The following DOCK1 variants were observed in gnomAD, a reference collection of about 807,000 sequenced individuals.
The protein encoded by DOCK1 is dedicator of cytokinesis 1.
A neutral mutation model predicts 262.7 loss-of-function variants in DOCK1; 138 were observed. The ratio of observed to expected loss-of-function variants is 0.53; its 90% CI spans 0.46 to 0.61. The LOEUF (loss-of-function observed/expected upper bound fraction) is 0.61. DOCK1 is among the 20% of genes least tolerant of loss of function. DOCK1 has a pLI of 0.00. For missense variants in DOCK1, 1,908 were observed against 2,370.7 expected (o/e 0.80, Z 4.05); for synonymous variants, 866 against 867.4 (o/e 1.00, Z 0.03).
At chr10:126,982,182 C>T (rs1172889228) in intron 4 of DOCK1, among the ~76,000 whole-genome samples, 1 of 152,140 alleles carries the variant, frequency 6.6e-6, no homozygotes, top group Non-Finnish European at 1.5e-5. Flanking sequence ...GAAGTCAGCA[C>T]CATACTTGGC....
chr10:127,014,490 T>C (rs2041712050), intron 12 of DOCK1, among the ~76,000 whole-genome samples: 1 of 152,248 alleles, frequency 6.6e-6, no homozygotes, highest in African/African-American at 2.4e-5. Context: ...CCGGCGTTTC[T>C]GAGAAAGGTG....
chr10:127,075,299 A>G (rs1425732376), intron 23 of DOCK1, among the ~76,000 whole-genome samples: 2 of 150,894 alleles, frequency 1.3e-5, no homozygotes, highest in African/African-American at 4.9e-5. Context: ...ACTGAGACCG[A>G]GTCTCACTGT....
At chr10:126,998,880 A>G (rs542737800) in intron 8 of DOCK1, among the ~76,000 whole-genome samples, 113 of 152,344 alleles carry the variant, frequency 7.4e-4, no homozygotes, top group African/African-American at 2.7e-3. Context: ...CTTCACTTGT[A>G]TTATTCAAAA....
chr10:127,044,270 A>G (rs1165920712), intron 21 of DOCK1, among the ~76,000 whole-genome samples: 1 of 152,068 alleles, frequency 6.6e-6, no homozygotes, highest in Non-Finnish European at 1.5e-5. Flanking sequence ...AGCTGTTAAT[A>G]TACCCTGGTC....
chr10:127,117,306 G>T (rs537750457), intron 25 of DOCK1, among the ~76,000 whole-genome samples: 1 of 152,342 alleles, frequency 6.6e-6, no homozygotes, highest in East Asian at 1.9e-4. Context: ...AGTTCAGCCA[G>T]AAGCCTGGCA....
At chr10:127,077,117 G>A (rs946007995) in intron 23 of DOCK1, among the ~76,000 whole-genome samples, 7 of 152,108 alleles carry the variant, frequency 4.6e-5, no homozygotes, top group African/African-American at 7.2e-5. Context: ...TACGAGGGCC[G>A]AGCGCGGTGG....
chr10:127,255,256 C>G (rs998879289), intron 28 of DOCK1, among the ~76,000 whole-genome samples: 2 of 152,016 alleles, frequency 1.3e-5, no homozygotes. Flanking sequence ...AAAAACTAGC[C>G]AGGCATGGTG....
chr10:126,952,399 G>A (rs1015834341), intron 1 of DOCK1, among the ~76,000 whole-genome samples: 4 of 150,826 alleles, frequency 2.7e-5, no homozygotes, highest in South Asian at 2.1e-4. Flanking sequence ...GTGATGTGGC[G>A]GTAGTATTGT....
At chr10:127,326,087 T>C (rs1197218222) in intron 29 of DOCK1, among the ~76,000 whole-genome samples, 2 of 152,238 alleles carry the variant, frequency 1.3e-5, no homozygotes, top group African/African-American at 4.8e-5. Flanking sequence ...TCAGCAAATC[T>C]AAATCTTTCT....
intron 27 of DOCK1, among the ~76,000 whole-genome samples, chr10:127,189,349 C>A (rs1174653658): frequency 6.6e-6 from 1 of 152,176 alleles, no homozygotes. Context: ...CAGTAGTTGA[C>A]CTGCCCAGTG....
At chr10:127,221,116 T>A (rs2134438483) in intron 27 of DOCK1, among the ~76,000 whole-genome samples, 1 of 152,370 alleles carries the variant, frequency 6.6e-6, no homozygotes. Flanking sequence ...TATGGTATTT[T>A]ATTTTTCAAT....
intron 1 of DOCK1, among the ~76,000 whole-genome samples, chr10:126,944,054 G>A (rs1301639799): frequency 6.6e-6 from 1 of 151,616 alleles, no homozygotes; most frequent in African/African-American, 2.4e-5. Flanking sequence ...AGAACGGGAA[G>A]GAGAGGAGAC....
chr10:127,246,601 A>G (rs983799519), intron 27 of DOCK1, among the ~76,000 whole-genome samples: 2 of 152,240 alleles, frequency 1.3e-5, no homozygotes, highest in African/African-American at 4.8e-5. Context: ...AGCAATTATC[A>G]TCATTCACAA....
At chr10:127,346,460 G>T (rs2063637562) in intron 31 of DOCK1, among the ~76,000 whole-genome samples, 1 of 152,166 alleles carries the variant, frequency 6.6e-6, no homozygotes, top group African/African-American at 2.4e-5. Flanking sequence ...GCCAGGTGTG[G>T]TGGCGCGCAC....
intron 24 of DOCK1, among the ~76,000 whole-genome samples, chr10:127,109,470 T>C (rs1020830540): frequency 6.6e-6 from 1 of 152,220 alleles, no homozygotes; most frequent in African/African-American, 2.4e-5. Flanking sequence ...AGATGTGCAG[T>C]GATCACCAGA....
chr10:127,239,078 C>A (rs546131188), intron 27 of DOCK1, among the ~76,000 whole-genome samples: 2 of 152,300 alleles, frequency 1.3e-5, no homozygotes, highest in South Asian at 4.1e-4. Context: ...AGGTACAGGG[C>A]TACTGCAGAA....
Position 127,444,290 on chromosome 10 carries a change from C to T in DOCK1, c.5413+11C>T, listed in dbSNP as rs370988307. 3.8e-5 allele frequency: 60 copies of T among 1,593,534 alleles called. No individual in the cohort carries two copies. The highest frequency in any genetic ancestry group is 3.4e-4 in the Middle Eastern group (2 of 5,926). On this transcript the variant is annotated intron_variant, in intron 50 of 51. Coordinates refer to ENST00000623213, the MANE Select transcript of DOCK1 (RefSeq NM_001290223.2). ...TCAGCATGCAGTCGAGTAAGTGGAA[C>T]GCTCCCCACATACGAATCGTGCTAT...
intron 22 of DOCK1, among the ~76,000 whole-genome samples, chr10:127,057,175 G>A (rs1040742071): frequency 4.6e-5 from 7 of 152,190 alleles, no homozygotes; most frequent in African/African-American, 1.7e-4. Context: ...GCTGTCAGAG[G>A]TGGGGAAGAA....
chr10:127,213,988 CG>C (rs2058092589), intron 27 of DOCK1, among the ~76,000 whole-genome samples: 1 of 152,098 alleles, frequency 6.6e-6, no homozygotes, highest in African/African-American at 2.4e-5. Context: ...TACAGGCACC[CG>C]CCACCATGCC....
Sources: gnomAD v4.1 joint callset for allele counts (sites outside exome capture counted in the v4.1 genomes callset) on GRCh38, gnomAD v4.1.1 for gene constraint, MANE v1.5 for transcripts, NCBI Gene and HGNC (gene_info 2026-07-23, HGNC 2026-07-21) for gene names.